The following ECHS1 variants were observed in gnomAD, a reference collection of about 807,000 sequenced individuals.
The protein encoded by ECHS1 is enoyl-CoA hydratase, short chain 1.
Under a neutral mutation model 33.5 loss-of-function variants are expected in ECHS1, and 19 were observed. That is an observed-to-expected ratio of 0.57 (90% CI 0.40 to 0.83). ECHS1 has a LOEUF of 0.83. Among genes scored for constraint, ECHS1 ranks in the 40% least tolerant of loss-of-function variants. The pLI is 0.00. For missense variants in ECHS1, 365 were observed against 381.3 expected (o/e 0.96, Z 0.36); for synonymous variants, 158 against 146.6 (o/e 1.08, Z -0.56).
In ECHS1 at chr10:133,362,497, C is replaced by A; in HGVS notation, c.*371G>T. 1 of 276,626 alleles carries A rather than the reference C, an allele frequency of 3.6e-6. No individual in the cohort carries two copies. The highest frequency in any genetic ancestry group is 6.9e-6 in the Non-Finnish European group (1 of 145,130). 17.1% of individuals were successfully genotyped at this position (276,626 alleles called of 1,614,324 possible). On this transcript the variant is annotated 3_prime_UTR_variant, in exon 8 of 8. Coordinates refer to ENST00000368547, the MANE Select transcript of ECHS1 (RefSeq NM_004092.4). ...ACAAGGCGTGGTGTAATCTGAATCG[C>A]TATCACTTTAATCAGCATCTGTATG...
chr10:133,372,573 C>A (rs1170642697), intron 1 of ECHS1, among the ~76,000 whole-genome samples: 3 of 152,132 alleles, frequency 2.0e-5, no homozygotes, highest in Non-Finnish European at 2.9e-5. Flanking sequence ...CAACCCCCAC[C>A]CTGCGCCCAG....
At chr10:133,364,556 C>T in intron 7 of ECHS1, 102 bp downstream of exon 7, 2 of 948,354 alleles carry the variant, frequency 2.1e-6, no homozygotes, top group Non-Finnish European at 3.3e-6. Context: ...GCAGTTCTGA[C>T]CAGAAAGAAA....
chr10:133,373,224 C>A, intron 1 of ECHS1, 22 bp downstream of exon 1: 1 of 1,409,154 alleles, frequency 7.1e-7, no homozygotes. Context: ...ATTCGGGCCG[C>A]CAGCTCTCAC....
intron 4 of ECHS1, among the ~76,000 whole-genome samples, chr10:133,368,053 GT>G (rs1849055813): frequency 6.6e-6 from 1 of 152,098 alleles, no homozygotes; most frequent in East Asian, 1.9e-4. Flanking sequence ...AGGCCCAGCT[GT>G]TTTCTCTTTA....
intron 4 of ECHS1, among the ~76,000 whole-genome samples, chr10:133,367,988 G>A (rs1015132274): frequency 1.1e-4 from 17 of 152,088 alleles, no homozygotes; most frequent in African/African-American, 4.1e-4. Flanking sequence ...ATATCAGTGC[G>A]CCCAGCCATT....
At chr10:133,369,187 G>A (rs1305866524) in intron 3 of ECHS1, among the ~76,000 whole-genome samples, 165 bp from the exon 4 acceptor site, 1 of 152,214 alleles carries the variant, frequency 6.6e-6, no homozygotes, top group Non-Finnish European at 1.5e-5. Context: ...GTTAACTACA[G>A]ATGGTTGATG....
rs1227650308 is a variant in ECHS1 at position 133,370,014 on chromosome 10, C to T, written c.304G>A (p.Glu102Lys). The T allele has an allele frequency of 1.2e-6, 2 of 1,613,824 alleles. No individual in the cohort carries two copies. The highest frequency in any genetic ancestry group is 8.5e-7 in the Non-Finnish European group (1 of 1,179,952). Residue 102 changes from glutamate to lysine, a missense_variant, in exon 3 of 8, where the codon GAA (glutamate) becomes AAA (lysine). Physicochemically the swap from Glu to Lys is moderately conservative, Grantham distance 56. Coordinates refer to ENST00000368547, the MANE Select transcript of ECHS1 (RefSeq NM_004092.4). ...TCCTGGAAACTCAGGTTCTGCATTT[C>T]CTTGATATCAGCTCCAGCTAGCAGG... ...KAFAAGADIKEMQNLSFQDCY... is the reference protein window; with the variant it reads ...KAFAAGADIKKMQNLSFQDCY...
rs988500158 is a variant in ECHS1, at chr10:133,364,831, C to T, written c.740-106G>A. ...ACTGACCCATGCACAACTGTGCTTTCGACGTGGCCCAGCCCTGCACAGGCT... is the reference window on the plus strand; with the variant it reads ...ACTGACCCATGCACAACTGTGCTTTTGACGTGGCCCAGCCCTGCACAGGCT... On this transcript the variant is annotated intron_variant, in intron 6 of 7. Coordinates refer to ENST00000368547, the MANE Select transcript of ECHS1 (RefSeq NM_004092.4). The T allele has an allele frequency of 3.0e-5, 26 of 865,828 alleles. No individual in the cohort carries two copies. The East Asian group carries it at 4.5e-4, about 15-fold the overall frequency. 53.6% of individuals were successfully genotyped at this position (865,828 alleles called of 1,614,324 possible). A position where few individuals can be genotyped will look rare whatever the true frequency, so the allele number is the denominator to read the frequency against.
intron 3 of ECHS1, among the ~76,000 whole-genome samples, chr10:133,369,680 AG>A (rs1589882442): frequency 6.6e-6 from 1 of 152,280 alleles, no homozygotes; most frequent in East Asian, 1.9e-4. Context: ...CCTGGAAGAG[AG>A]GCTTGCTGGG....
Position 133,370,595 on chromosome 10 carries a change from G to A in ECHS1, c.251C>T (p.Ala84Val). Residue 84 changes from alanine to valine, a missense_variant, in exon 2 of 8, where the codon GCC becomes GTC. Transcript: ENST00000368547. ...KTFEEDPAVG[A>V]IVLTGGDKAF... ...CTTATCCCCGCCGGTGAGGACAATGGCCCCCACGGCCGGGTCCTCCTCGAA... is the reference window on the plus strand; with the variant it reads ...CTTATCCCCGCCGGTGAGGACAATGACCCCCACGGCCGGGTCCTCCTCGAA... The A allele has an allele frequency of 6.2e-7, 1 of 1,607,728 alleles. No homozygotes were observed. Among genetic ancestry groups the A allele is most frequent in the East Asian group, 2.2e-5 (1 of 44,754 alleles).
At chr10:133,370,217 C>T (rs758802339) in intron 2 of ECHS1, among the ~76,000 whole-genome samples, 186 bp from the exon 3 acceptor site, 14 of 152,238 alleles carry the variant, frequency 9.2e-5, no homozygotes, top group Non-Finnish European at 1.9e-4. Context: ...ACAGAAGTCA[C>T]GCAGAGGGGC....
At chr10:133,363,031 A>C in intron 7 of ECHS1, 98 bp from the exon 8 acceptor site, 12 of 1,411,840 alleles carry the variant, frequency 8.5e-6, no homozygotes, top group African/African-American at 1.4e-5. Context: ...TGCCTCACTC[A>C]TGCTCACAGG....
intron 7 of ECHS1, among the ~76,000 whole-genome samples, chr10:133,363,651 G>A (rs1340148884): frequency 6.6e-6 from 1 of 152,114 alleles, no homozygotes; most frequent in Non-Finnish European, 1.5e-5. Context: ...AGGTGTGGTG[G>A]TGGGCACCTG....
intron 4 of ECHS1, among the ~76,000 whole-genome samples, chr10:133,368,665 AAGCC>A (rs1166267449): frequency 6.6e-6 from 1 of 152,140 alleles, no homozygotes; most frequent in Non-Finnish European, 1.5e-5. Flanking sequence ...TCATGGTTAG[AAGCC>A]AGCGTTACCC....
Position 133,369,897 on chromosome 10 carries a change from C to T in ECHS1, c.414+7G>A. ...GAGAGGAGGAGACTCTTGGCAGCAA[C>T]ACTCACGGCATAGCCATTGACAGCA... On this transcript the variant is annotated splice_region_variant and intron_variant, in intron 3 of 7. Coordinates refer to ENST00000368547, the MANE Select transcript of ECHS1 (RefSeq NM_004092.4). 6.2e-7 allele frequency: 1 copy of T among 1,613,024 alleles called. No homozygotes were observed. The highest frequency in any genetic ancestry group is 8.5e-7 in the Non-Finnish European group (1 of 1,179,756).
At chr10:133,371,050 GT>G (rs1378927313) in intron 1 of ECHS1, among the ~76,000 whole-genome samples, 1 of 152,212 alleles carries the variant, frequency 6.6e-6, no homozygotes, top group Non-Finnish European at 1.5e-5. Flanking sequence ...GGCCGAAGCG[GT>G]CGAATCACAA....
chr10:133,369,348 C>T (rs889058494), intron 3 of ECHS1, among the ~76,000 whole-genome samples: 1 of 29,694 alleles, frequency 3.4e-5, no homozygotes, highest in African/African-American at 5.7e-5. Flanking sequence ...AAACTCCATC[C>T]GCAGACCCCT....
intron 6 of ECHS1, among the ~76,000 whole-genome samples, chr10:133,365,586 G>A (rs564598283): frequency 1.2e-4 from 19 of 152,350 alleles, no homozygotes; most frequent in South Asian, 6.2e-4. Flanking sequence ...GCAAGCCTGC[G>A]TAGCCACCTG....
At chr10:133,363,252 C>T (rs1255009423) in intron 7 of ECHS1, among the ~76,000 whole-genome samples, 1 of 152,204 alleles carries the variant, frequency 6.6e-6, no homozygotes, top group Non-Finnish European at 1.5e-5. Context: ...TGATGGGTGG[C>T]CTGTATCAGG....
Sources: allele counts gnomAD v4.1 joint callset (sites outside exome capture counted in the v4.1 genomes callset), GRCh38; gene constraint gnomAD v4.1.1; transcripts MANE v1.5; gene names NCBI Gene and HGNC (gene_info 2026-07-23, HGNC 2026-07-21).